Variants in TLE1 observed in about 807,000 individuals in gnomAD.
TLE1 encodes TLE family member 1, transcriptional corepressor, also known as transducin-like enhancer protein 1.
Under a neutral mutation model 89.8 loss-of-function variants are expected in TLE1, and 21 were observed. That is an observed-to-expected ratio of 0.23 (90% confidence interval 0.17 to 0.34). TLE1 has a LOEUF of 0.34. Among genes scored for constraint, TLE1 ranks in the 10% least tolerant of loss-of-function variants. The pLI, the probability that TLE1 is intolerant of heterozygous loss-of-function variation, is 1.00. For synonymous variants in TLE1, 447 were observed against 407.6 expected (o/e 1.10, Z -1.16); for missense variants, 795 against 1,031.2 (o/e 0.77, Z 3.14).
At chr9:81,644,919 G>A (rs751000262) in intron 6 of TLE1, among the ~76,000 whole-genome samples, 3 of 148,760 alleles carry the variant, frequency 2.0e-5, no homozygotes, top group South Asian at 2.2e-4. Flanking sequence ...GTTTGAACCC[G>A]GGAAGCGGAG....
At chr9:81,608,827 C>T (rs1423451720) in intron 14 of TLE1, among the ~76,000 whole-genome samples, 1 of 151,890 alleles carries the variant, frequency 6.6e-6, no homozygotes, top group Non-Finnish European at 1.5e-5. Context: ...ATCCCAGCTA[C>T]TCGAGAGGCT....
At chr9:81,621,156 C>A (rs1280358320) in intron 8 of TLE1, among the ~76,000 whole-genome samples, 1 of 152,144 alleles carries the variant, frequency 6.6e-6, no homozygotes, top group Non-Finnish European at 1.5e-5. Context: ...GGAATTTCAG[C>A]CAGTGAATCT....
At chr9:81,632,257 TA>T (rs937877534) in intron 8 of TLE1, among the ~76,000 whole-genome samples, 2 of 151,510 alleles carry the variant, frequency 1.3e-5, no homozygotes, top group African/African-American at 4.9e-5. Context: ...CAGAGAAATT[TA>T]TAGGACAAGA....
intron 6 of TLE1, among the ~76,000 whole-genome samples, chr9:81,639,959 C>A (rs1827904082): frequency 6.6e-6 from 1 of 152,046 alleles, no homozygotes; most frequent in Non-Finnish European, 1.5e-5. Context: ...TGATTCTAGA[C>A]CACTGGTTCT....
chr9:81,633,288 CGTGTGTGTGTGTGTGTGTGTGT>C (rs56327119), intron 8 of TLE1, 38 bp downstream of exon 8: 53 of 1,569,862 alleles, frequency 3.4e-5, no homozygotes, highest in Admixed American at 5.2e-5. Flanking sequence ...AGAAGGGGAC[CGTGTGTGTGTGTGTGTGTGTGT>C]GTGTGTGTGT....
intron 4 of TLE1, among the ~76,000 whole-genome samples, chr9:81,663,010 G>A (rs543800840): frequency 6.6e-6 from 1 of 152,066 alleles, no homozygotes; most frequent in South Asian, 2.1e-4. Flanking sequence ...ACCACGTGCA[G>A]CTAATTTTTG....
At chr9:81,673,293 AAC>A (rs1197354126) in intron 4 of TLE1, among the ~76,000 whole-genome samples, 3 of 150,752 alleles carry the variant, frequency 2.0e-5, no homozygotes, top group South Asian at 2.1e-4. Flanking sequence ...AAAAAAAAAA[AAC>A]AGACTGCCAA....
At chr9:81,621,991 A>C (rs1192076666) in intron 8 of TLE1, among the ~76,000 whole-genome samples, 1 of 152,144 alleles carries the variant, frequency 6.6e-6, no homozygotes, top group Admixed American at 6.5e-5. Context: ...TCTTTACCAC[A>C]GTGTTTGGGG....
intron 17 of TLE1, among the ~76,000 whole-genome samples, chr9:81,587,069 G>A (rs1465065120): frequency 6.6e-6 from 1 of 152,116 alleles, no homozygotes; most frequent in Admixed American, 6.5e-5. Context: ...TTCAGACATT[G>A]GACATCAAAA....
At chr9:81,661,758 C>G (rs932657415) in intron 4 of TLE1, among the ~76,000 whole-genome samples, 1 of 151,402 alleles carries the variant, frequency 6.6e-6, no homozygotes, top group East Asian at 1.9e-4. Flanking sequence ...ACCTTAAATC[C>G]CCCCCCCAAA....
intron 4 of TLE1, among the ~76,000 whole-genome samples, chr9:81,671,686 C>T (rs1832248121): frequency 6.6e-6 from 1 of 151,974 alleles, no homozygotes; most frequent in South Asian, 2.1e-4. Flanking sequence ...CAGAAAAATC[C>T]AGTCAGTATT....
At chr9:81,682,094 G>C (rs1775877968) in intron 4 of TLE1, among the ~76,000 whole-genome samples, 1 of 150,474 alleles carries the variant, frequency 6.6e-6, no homozygotes, top group Admixed American at 6.6e-5. Flanking sequence ...ACAAAAAAAA[G>C]AAAAAAAAAG....
At chr9:81,671,929 G>T (rs1832280218) in intron 4 of TLE1, among the ~76,000 whole-genome samples, 1 of 152,190 alleles carries the variant, frequency 6.6e-6, no homozygotes, top group Non-Finnish European at 1.5e-5. Context: ...CATTGGCTCT[G>T]AGGGAGCTCA....
chr9:81,653,877 C>T lies in TLE1; in HGVS notation c.297+97G>A, dbSNP rs1215919851. 69 of 1,139,078 alleles carry T rather than the reference C, an allele frequency of 6.1e-5. 1 individual carries two copies. In the South Asian group the frequency reaches 8.4e-4, roughly 14 times the overall value. The allele number at this position is 1,139,078 out of a possible 1,614,324, so 70.6% of individuals were successfully genotyped here. A position where few individuals can be genotyped will look rare whatever the true frequency, so the allele number is the denominator to read the frequency against. ...TCAGCTGTAACAGATGTTCTTCACACTTGTTCCTTGTGATAAAATTAACAT... is the reference window on the plus strand; with the variant it reads ...TCAGCTGTAACAGATGTTCTTCACATTTGTTCCTTGTGATAAAATTAACAT... On this transcript the variant is annotated intron_variant, in intron 5 of 19. Coordinates refer to ENST00000376499, the MANE Select transcript of TLE1 (RefSeq NM_005077.5).
chr9:81,635,742 T>G (rs1827281028), intron 6 of TLE1, among the ~76,000 whole-genome samples: 1 of 152,168 alleles, frequency 6.6e-6, no homozygotes, highest in South Asian at 2.1e-4. Flanking sequence ...GCCCACTGAT[T>G]TTTAATGGAA....
intron 6 of TLE1, among the ~76,000 whole-genome samples, chr9:81,645,731 ACT>A (rs976839165): frequency 6.6e-6 from 1 of 151,156 alleles, no homozygotes; most frequent in African/African-American, 2.4e-5. Context: ...CAAGAGTGAA[ACT>A]CTGTCTCCAA....
chr9:81,670,667 T>C (rs1027046516), intron 4 of TLE1, among the ~76,000 whole-genome samples: 2 of 149,056 alleles, frequency 1.3e-5, no homozygotes, highest in African/African-American at 5.1e-5. Context: ...TTATTCCTTA[T>C]TAACTTTGAG....
chr9:81,681,487 T>C (rs532911861), intron 4 of TLE1, among the ~76,000 whole-genome samples: 246 of 151,208 alleles, frequency 1.6e-3, no homozygotes, highest in African/African-American at 5.9e-3. Flanking sequence ...GAGGCGGAGG[T>C]TGCAGTGAGC....
intron 6 of TLE1, among the ~76,000 whole-genome samples, chr9:81,650,513 A>C (rs1451296847): frequency 6.6e-6 from 1 of 152,244 alleles, no homozygotes; most frequent in Non-Finnish European, 1.5e-5. Flanking sequence ...TACAAGTACA[A>C]TTCACTATTA....
Sources: allele counts gnomAD v4.1 joint callset (sites outside exome capture counted in the v4.1 genomes callset), GRCh38; gene constraint gnomAD v4.1.1; transcripts MANE v1.5; gene names NCBI Gene and HGNC (gene_info 2026-07-23, HGNC 2026-07-21).